The following SLC35F1 variants were observed in gnomAD, a reference collection of about 807,000 sequenced individuals.
SLC35F1 encodes solute carrier family 35 member F1, also known as chromosome 6 open reading frame 169.
Under a neutral mutation model 48.7 loss-of-function variants are expected in SLC35F1, and 14 were observed. The observed-to-expected ratio is 0.29, with a 90% CI of 0.19 to 0.45. SLC35F1 has a LOEUF of 0.45. Ranked by LOEUF, SLC35F1 falls within the 20% of genes least tolerant of loss-of-function variation. SLC35F1 has a pLI of 1.00. For synonymous variants in SLC35F1, 190 were observed against 202.2 expected (o/e 0.94, Z 0.51); for missense variants, 404 against 500.0 (o/e 0.81, Z 1.83).
rs547835753 is a variant in SLC35F1, at chr6:118,109,644, C to T, written c.174-44801C>T. ...TGTAAGACCTTGGAGAATAAACAAA[C>T]ATTTGCTGGAAAAAAAAAAGCAACA... is the stretch of plus-strand genomic sequence containing the variant. On this transcript the variant is annotated intron_variant, in intron 1 of 7. Transcript: ENST00000360388. Among the ~76,000 whole-genome samples the T allele has an allele frequency of 5.3e-4, 76 of 144,446 alleles. 1 individual carries two copies. The East Asian group carries it at 0.017, about 32-fold the overall frequency. The allele number at this position is 144,446 out of a possible 152,430, so 94.8% of individuals were successfully genotyped here. A position where few individuals can be genotyped will look rare whatever the true frequency, so the allele number is the denominator to read the frequency against.
At chr6:118,254,208 C>T (rs1775614399) in intron 3 of SLC35F1, among the ~76,000 whole-genome samples, 2 of 152,174 alleles carry the variant, frequency 1.3e-5, no homozygotes. Context: ...TCCTCTGCAT[C>T]TATAACAATC....
chr6:117,965,973 G>A (rs2114838767), intron 1 of SLC35F1, among the ~76,000 whole-genome samples: 1 of 151,426 alleles, frequency 6.6e-6, no homozygotes, highest in African/African-American at 2.4e-5. Context: ...CTAAAGGTTT[G>A]TAAACGCACC....
chr6:117,916,956 C>T (rs2114797578), intron 1 of SLC35F1, among the ~76,000 whole-genome samples: 1 of 152,330 alleles, frequency 6.6e-6, no homozygotes, highest in East Asian at 1.9e-4. Flanking sequence ...GACCTCCACT[C>T]TCATGGAGAC....
intron 2 of SLC35F1, among the ~76,000 whole-genome samples, chr6:118,189,950 T>C (rs1774709712): frequency 6.6e-6 from 1 of 152,226 alleles, no homozygotes; most frequent in South Asian, 2.1e-4. Context: ...TGGCCAAGAC[T>C]CAGCTATTGT....
chr6:118,266,726 G>GA (rs1436123611), intron 3 of SLC35F1, among the ~76,000 whole-genome samples: 1 of 152,168 alleles, frequency 6.6e-6, no homozygotes, highest in Admixed American at 6.5e-5. Flanking sequence ...CTGGAGGCAG[G>GA]AGACTCTTCA....
chr6:118,141,350 T>C (rs753368020), intron 1 of SLC35F1, among the ~76,000 whole-genome samples: 10 of 152,220 alleles, frequency 6.6e-5, no homozygotes, highest in Non-Finnish European at 1.5e-4. Context: ...GGAGCAATAG[T>C]ATAGGTGTGT....
intron 2 of SLC35F1, among the ~76,000 whole-genome samples, chr6:118,219,912 G>T (rs1201161387): frequency 1.3e-5 from 2 of 152,010 alleles, no homozygotes; most frequent in African/African-American, 2.4e-5. Flanking sequence ...GCAAACTATC[G>T]CAGGGACAGA....
chr6:117,940,019 G>A (rs915053067), intron 1 of SLC35F1, among the ~76,000 whole-genome samples: 1 of 152,180 alleles, frequency 6.6e-6, no homozygotes, highest in Non-Finnish European at 1.5e-5. Context: ...CTCTTTTAAG[G>A]CAGCCTTTAC....
At chr6:118,221,600 T>C (rs984243242) in intron 2 of SLC35F1, among the ~76,000 whole-genome samples, 1 of 152,234 alleles carries the variant, frequency 6.6e-6, no homozygotes, top group African/African-American at 2.4e-5. Flanking sequence ...ACTTCATAGC[T>C]AAACCCTCCC....
intron 2 of SLC35F1, among the ~76,000 whole-genome samples, chr6:118,156,538 G>C (rs779184494): frequency 6.6e-6 from 1 of 152,068 alleles, no homozygotes; most frequent in Non-Finnish European, 1.5e-5. Flanking sequence ...TTGAGGGGCT[G>C]GGGGAGGGAT....
At chr6:117,919,850 A>G (rs115288003) in intron 1 of SLC35F1, among the ~76,000 whole-genome samples, 2,006 of 152,266 alleles carry the variant, frequency 0.013, 56 homozygotes, top group African/African-American at 0.045. Flanking sequence ...CTCTCAGCCC[A>G]GGAGCTCCGC....
At chr6:118,193,467 C>G (rs1415783382) in intron 2 of SLC35F1, among the ~76,000 whole-genome samples, 3 of 152,172 alleles carry the variant, frequency 2.0e-5, no homozygotes, top group Non-Finnish European at 4.4e-5. Context: ...ACAACTTGTT[C>G]AAACTTTTAG....
intron 7 of SLC35F1, among the ~76,000 whole-genome samples, chr6:118,286,781 G>A (rs1409366589): frequency 7.7e-6 from 1 of 129,834 alleles, no homozygotes; most frequent in South Asian, 2.4e-4. Flanking sequence ...TTTTCTGTGT[G>A]TGTGTGTGTG....
At chr6:118,198,729 G>A (rs1040595488) in intron 2 of SLC35F1, among the ~76,000 whole-genome samples, 1 of 152,170 alleles carries the variant, frequency 6.6e-6, no homozygotes, top group African/African-American at 2.4e-5. Flanking sequence ...ACCTGTGTGT[G>A]TATATGTATG....
intron 1 of SLC35F1, among the ~76,000 whole-genome samples, chr6:117,965,978 C>G (rs551025304): frequency 1.3e-5 from 2 of 150,636 alleles, no homozygotes; most frequent in African/African-American, 2.4e-5. Context: ...GGTTTGTAAA[C>G]GCACCAGTCA....
At chr6:117,942,269 A>C (rs1332420412) in intron 1 of SLC35F1, among the ~76,000 whole-genome samples, 1 of 152,196 alleles carries the variant, frequency 6.6e-6, no homozygotes, top group Non-Finnish European at 1.5e-5. Flanking sequence ...TTGTTGTTAC[A>C]GAATATGAAT....
intron 7 of SLC35F1, among the ~76,000 whole-genome samples, chr6:118,300,297 T>G (rs1776241260): frequency 6.6e-6 from 1 of 152,142 alleles, no homozygotes; most frequent in African/African-American, 2.4e-5. Flanking sequence ...ATACAGGAAG[T>G]CATATGCAAA....
intron 1 of SLC35F1, among the ~76,000 whole-genome samples, chr6:118,029,794 T>C (rs9387542): frequency 0.29 from 44,762 of 151,998 alleles, 7,316 homozygotes; most frequent in East Asian, 0.48. Context: ...AATTTTTTTT[T>C]CCAATACTTT....
chr6:118,128,868 A>G (rs1773669394), intron 1 of SLC35F1, among the ~76,000 whole-genome samples: 1 of 152,246 alleles, frequency 6.6e-6, no homozygotes, highest in African/African-American at 2.4e-5. Context: ...CCATATAATG[A>G]GTGCTGCACT....
Sources: gnomAD v4.1 joint callset for allele counts (sites outside exome capture counted in the v4.1 genomes callset) on GRCh38, gnomAD v4.1.1 for gene constraint, MANE v1.5 for transcripts, NCBI Gene and HGNC (gene_info 2026-07-23, HGNC 2026-07-21) for gene names.